The following FYB2 variants were observed in gnomAD, a reference collection of about 807,000 sequenced individuals.
The protein encoded by FYB2 is FYN binding protein 2.
Under a neutral mutation model 94.1 loss-of-function variants are expected in FYB2, and 103 were observed. The observed-to-expected ratio is 1.09, with a 90% CI of 0.93 to 1.29. The LOEUF (loss-of-function observed/expected upper bound fraction) is 1.29, where lower values mean the gene tolerates loss of function less well. Ranked by LOEUF, FYB2 falls within the 50% of genes most tolerant of loss-of-function variation. The pLI is 0.00. For missense variants in FYB2, 896 were observed against 841.5 expected (o/e 1.06, Z -0.80); for synonymous variants, 293 against 287.9 (o/e 1.02, Z -0.18).
At chr1:56,787,030 C>T (rs1465641915) in intron 4 of FYB2, 145 bp downstream of exon 4, 4 of 844,304 alleles carry the variant, frequency 4.7e-6, no homozygotes, top group East Asian at 2.5e-5. Flanking sequence ...ACAAAAGTTA[C>T]ACTTTGTTGC....
upstream of FYB2, chr1:56,819,532 G>C (rs1337076035): frequency 1.7e-6 from 1 of 598,064 alleles, no homozygotes; most frequent in African/African-American, 1.9e-5. Flanking sequence ...CAGGGGACTG[G>C]GGAGAGTACT....
rs748528007 is a variant in FYB2 at position 56,819,280 on chromosome 1, AC to A, written c.9+1del. The A allele has an allele frequency of 1.2e-6, 2 of 1,614,166 alleles. No homozygotes were observed. The highest frequency in any genetic ancestry group is 1.7e-6 in the Non-Finnish European group (2 of 1,180,038). On this transcript the variant is annotated splice_donor_variant, in intron 1 of 19. Transcript: ENST00000343433. LOFTEE classifies it high-confidence loss of function. ...CCAGCAACAAAACTGAGACAGCCTT[AC>A]CCCTTCCATTGCTTTCCTCCAAGGC... is the stretch of plus-strand genomic sequence containing the variant.
intron 15 of FYB2, among the ~76,000 whole-genome samples, chr1:56,729,591 C>A (rs1286847923): frequency 3.3e-5 from 5 of 152,012 alleles, no homozygotes; most frequent in African/African-American, 9.7e-5. Context: ...CTTCAACATC[C>A]AACTCTAAGC....
chr1:56,819,327 A>G lies in FYB2; in HGVS notation c.-37T>C. 1 of 1,613,978 alleles carries G rather than the reference A, an allele frequency of 6.2e-7. No homozygotes were observed. ...AAGGCAGAGTCAGGGAAACAAGCCC[A>G]GCCTCTCAGAGCTGGGTCCTGGGGC... is the stretch of plus-strand genomic sequence containing the variant. On this transcript the variant is annotated 5_prime_UTR_variant, in exon 1 of 20. Transcript: ENST00000343433.
chr1:56,826,327 A>G, the FYB2 span, among the ~76,000 whole-genome samples: 1 of 152,328 alleles, frequency 6.6e-6, no homozygotes, highest in East Asian at 1.9e-4. Flanking sequence ...CATGGAAAAC[A>G]TCCTCTAACT....
intron 5 of FYB2, among the ~76,000 whole-genome samples, chr1:56,764,203 C>G (rs1329621499): frequency 1.3e-5 from 2 of 152,124 alleles, no homozygotes; most frequent in African/African-American, 2.4e-5. Context: ...ATCCACTCGC[C>G]TCGGCCTTCC....
intron 5 of FYB2, 106 bp downstream of exon 5, chr1:56,767,723 A>ATGGCTG (rs1645657311): frequency 1.2e-6 from 1 of 808,620 alleles, no homozygotes; most frequent in Non-Finnish European, 2.1e-6. Flanking sequence ...GTTGTGCAGG[A>ATGGCTG]TGGCTGTGCA....
chr1:56,753,691 G>T, intron 8 of FYB2, 148 bp downstream of exon 8: 1 of 606,894 alleles, frequency 1.6e-6, no homozygotes. Context: ...TAGTGTCATT[G>T]TTACATTTAT....
chr1:56,756,065 C>T, intron 6 of FYB2, 138 bp from the exon 7 acceptor site: 2 of 680,090 alleles, frequency 2.9e-6, no homozygotes, highest in Non-Finnish European at 4.9e-6. Context: ...AGACACTGAC[C>T]ACAGAAAGTT....
intron 4 of FYB2, among the ~76,000 whole-genome samples, chr1:56,781,280 G>A (rs1646002407): frequency 6.6e-6 from 1 of 152,176 alleles, no homozygotes; most frequent in Admixed American, 6.5e-5. Context: ...CACTTCACCT[G>A]TGTTAATATC....
At chr1:56,801,678 C>G (rs1312117169) in intron 1 of FYB2, among the ~76,000 whole-genome samples, 1 of 152,178 alleles carries the variant, frequency 6.6e-6, no homozygotes, top group Non-Finnish European at 1.5e-5. Context: ...TTTTCTGGTG[C>G]CCCAACTCCA....
chr1:56,794,342 T>C (rs1646345590), intron 1 of FYB2, among the ~76,000 whole-genome samples: 1 of 152,206 alleles, frequency 6.6e-6, no homozygotes, highest in Admixed American at 6.5e-5. Flanking sequence ...TTTGTAAATG[T>C]GTTCTGTCAT....
intron 1 of FYB2, among the ~76,000 whole-genome samples, chr1:56,801,675 G>A (rs1032842505): frequency 6.6e-6 from 1 of 152,018 alleles, no homozygotes; most frequent in African/African-American, 2.4e-5. Context: ...GCCTTTTCTG[G>A]TGCCCCAACT....
chr1:56,719,781 T>C (rs1644450680), intron 19 of FYB2, 89 bp from the exon 20 acceptor site: 1 of 1,237,356 alleles, frequency 8.1e-7, no homozygotes, highest in Non-Finnish European at 1.1e-6. Context: ...TCTGATCTAG[T>C]TTAATATGTT....
chr1:56,751,934 G>C (rs1288310819), intron 8 of FYB2, among the ~76,000 whole-genome samples: 1 of 151,972 alleles, frequency 6.6e-6, no homozygotes, highest in Non-Finnish European at 1.5e-5. Context: ...CTGGGAGATG[G>C]GTTAGAGAAG....
intron 16 of FYB2, among the ~76,000 whole-genome samples, chr1:56,724,211 A>G (rs1245104927): frequency 6.6e-6 from 1 of 152,060 alleles, no homozygotes; most frequent in East Asian, 1.9e-4. Context: ...ACATGGTTCA[A>G]TCGAAGAGCT....
At chr1:56,720,946 C>G (rs1644473931) in intron 17 of FYB2, 1 of 151,642 alleles carries the variant, frequency 6.6e-6, no homozygotes, top group African/African-American at 2.4e-5. Context: ...TCTTACATAC[C>G]TATCATTTCT....
chr1:56,725,639 T>C (rs545646873), intron 16 of FYB2, among the ~76,000 whole-genome samples: 2 of 152,214 alleles, frequency 1.3e-5, no homozygotes, highest in African/African-American at 4.8e-5. Context: ...GCTGCTTTTC[T>C]AGTCTGTTAA....
intron 4 of FYB2, 72 bp downstream of exon 4, chr1:56,787,103 C>T (rs376932008): frequency 1.2e-4 from 181 of 1,522,052 alleles, no homozygotes; most frequent in Admixed American, 1.7e-4. Context: ...GTGCTAATTG[C>T]CTGCTCTGGA....
Sources: gnomAD v4.1 joint callset for allele counts (sites outside exome capture counted in the v4.1 genomes callset) on GRCh38, gnomAD v4.1.1 for gene constraint, MANE v1.5 for transcripts, NCBI Gene and HGNC (gene_info 2026-07-23, HGNC 2026-07-21) for gene names.